The following SYDE2 variants were observed in gnomAD, a reference collection of about 807,000 sequenced individuals.
The protein encoded by SYDE2 is rho GTPase-activating protein SYDE2.
In SYDE2, 76 loss-of-function variants were observed where a neutral mutation model predicts 91.5. That is an observed-to-expected ratio of 0.83 (90% CI 0.69 to 1.01). The LOEUF (loss-of-function observed/expected upper bound fraction) is 1.01. SYDE2 is among the 50% of genes least tolerant of loss of function. SYDE2 has a pLI of 0.00. For missense variants in SYDE2, 1,364 were observed against 1,367.7 expected, an observed-to-expected ratio of 1.00 and a Z score of 0.04; for synonymous variants, 513 against 506.4, an observed-to-expected ratio of 1.01 and a Z score of -0.18.
chr1:85,194,212 T>A lies in SYDE2; in HGVS notation c.746-3460A>T, dbSNP rs575087160. Among the ~76,000 whole-genome samples the A allele has an allele frequency of 2.6e-5, 4 of 151,570 alleles. No homozygotes were observed. In the South Asian group the frequency reaches 8.3e-4, roughly 31 times the overall value. On this transcript the variant is annotated intron_variant, in intron 1 of 6. Transcript: ENST00000341460. ...TAAATGGATCCACATGAATGTAAAT[T>A]CATAGATATGGAAAGCTATTTGCAA... is the stretch of plus-strand genomic sequence containing the variant.
chr1:85,165,865 A>ATT (rs529987571), intron 5 of SYDE2, among the ~76,000 whole-genome samples: 22 of 94,112 alleles, frequency 2.3e-4, no homozygotes, highest in African/African-American at 6.3e-4. Flanking sequence ...AAAAACTTTA[A>ATT]TTTTTTTTTT....
intron 6 of SYDE2, among the ~76,000 whole-genome samples, chr1:85,159,456 G>T (rs1231786975): frequency 6.6e-6 from 1 of 152,122 alleles, no homozygotes; most frequent in Non-Finnish European, 1.5e-5. Flanking sequence ...AACGTTCCAT[G>T]GTGCTAATTC....
chr1:85,173,903 A>T (rs1264361323), intron 4 of SYDE2, among the ~76,000 whole-genome samples: 1 of 152,224 alleles, frequency 6.6e-6, no homozygotes, highest in Non-Finnish European at 1.5e-5. Flanking sequence ...AAATACTGAA[A>T]AACCCATATC....
intron 4 of SYDE2, among the ~76,000 whole-genome samples, chr1:85,177,180 A>C (rs141995049): frequency 5.3e-4 from 80 of 152,152 alleles, no homozygotes; most frequent in African/African-American, 1.8e-3. Context: ...TTCTTTTCAA[A>C]CTTTATGGAC....
Position 85,176,736 on chromosome 1 carries a change from C to T in SYDE2, c.2671+1410G>A, listed in dbSNP as rs562114924. Among the ~76,000 whole-genome samples the T allele has an allele frequency of 1.2e-4, 19 of 152,148 alleles. No homozygotes were observed. In the South Asian group the frequency reaches 2.3e-3, roughly 18 times the overall value. ...TGAAGCATCTATAAATGAAAGGATACGTCTGAGATTTTCTCAAAATAATCA... is the reference window on the plus strand; with the variant it reads ...TGAAGCATCTATAAATGAAAGGATATGTCTGAGATTTTCTCAAAATAATCA... On this transcript the variant is annotated intron_variant, in intron 4 of 6. Coordinates refer to ENST00000341460, the MANE Select transcript of SYDE2 (RefSeq NM_032184.2).
At chr1:85,180,820 A>C (rs1196298587) in intron 3 of SYDE2, among the ~76,000 whole-genome samples, 3 of 151,992 alleles carry the variant, frequency 2.0e-5, no homozygotes, top group African/African-American at 7.3e-5. Context: ...GACTGTAAAA[A>C]TATAGTGCCA....
chr1:85,200,797 CT>C lies in SYDE2; in HGVS notation c.199del (p.Arg67GlyfsTer100). The C allele has an allele frequency of 6.8e-7, 1 of 1,471,334 alleles. No homozygotes were observed. The highest frequency in any genetic ancestry group is 2.8e-5 in the East Asian group (1 of 35,664). 91.1% of individuals were successfully genotyped at this position (1,471,334 alleles called of 1,614,324 possible). A position where few individuals can be genotyped will look rare whatever the true frequency, so the allele number is the denominator to read the frequency against. On this transcript the variant is annotated frameshift_variant, in exon 1 of 7. Coordinates refer to ENST00000341460, the MANE Select transcript of SYDE2 (RefSeq NM_032184.2). LOFTEE classifies it high-confidence loss of function. ...QQVSPPRSPQ[R>X]EPRGGQLRTP... The stretch of plus-strand genomic sequence containing the variant: ...CCGCAGCTGGCCTCCCCGCGGCTCC[CT>C]CTGAGGCGACCGGGGCGGGGACACC...
At position 85,169,078 on chromosome 1, in the gene SYDE2, A is replaced by G; in HGVS notation, c.2819T>C (p.Val940Ala). 1 of 1,613,926 alleles carries G rather than the reference A, an allele frequency of 6.2e-7. No individual in the cohort carries two copies. The highest frequency in any genetic ancestry group is 1.3e-5 in the African/African-American group (1 of 75,072). The stretch of plus-strand genomic sequence containing the variant: ...CTCTGGCAGACAATCCAGCAGGTCA[A>G]CAGTGTACTTAGAGTCACCTGGGTC... ...ENDPGDSKYTVDLLDCLPEIE... is the reference protein window; with the variant it reads ...ENDPGDSKYTADLLDCLPEIE... Residue 940 changes from valine to alanine, a missense_variant, in exon 5 of 7, where the codon GTT becomes GCT. Transcript: ENST00000341460.
chr1:85,192,402 T>C (rs1232000448), intron 1 of SYDE2, among the ~76,000 whole-genome samples: 4 of 152,192 alleles, frequency 2.6e-5, no homozygotes, highest in Non-Finnish European at 5.9e-5. Flanking sequence ...AGTGAGACCC[T>C]GTCTCTTAAA....
intron 6 of SYDE2, among the ~76,000 whole-genome samples, chr1:85,163,170 A>C (rs938853057): frequency 6.7e-6 from 1 of 149,680 alleles, no homozygotes; most frequent in African/African-American, 2.5e-5. Flanking sequence ...GCACTTCCGC[A>C]ATCTCGGCTC....
At chr1:85,154,909 G>A (rs1011082461), downstream of SYDE2, among the ~76,000 whole-genome samples, 3 of 150,316 alleles carry the variant, frequency 2.0e-5, no homozygotes, top group African/African-American at 7.3e-5. Flanking sequence ...AACACACAAG[G>A]ACTCCTAGTT....
At chr1:85,155,009 CA>C, downstream of SYDE2, among the ~76,000 whole-genome samples, 29,656 of 80,552 alleles carry the variant, frequency 0.37, 4,028 homozygotes, top group East Asian at 0.5. Context: ...AAGAATGCAG[CA>C]AAAAAAAAAA....
At position 85,182,471 on chromosome 1, in the gene SYDE2, G is replaced by A. The variant is rs1413808399; in HGVS notation, c.2171C>T (p.Thr724Ile). The A allele has an allele frequency of 6.2e-7, 1 of 1,613,520 alleles. No individual in the cohort carries two copies. Among genetic ancestry groups the A allele is most frequent in the Admixed American group, 1.7e-5 (1 of 59,954 alleles). The change falls in exon 3 of 7, where the codon ACA becomes ATA. Residue 724 changes from threonine (T) to isoleucine (I), a missense_variant. By Grantham distance (89) the Thr-to-Ile change is moderately conservative (BLOSUM62 -1). Transcript: ENST00000341460. Reference sequence around the variant, plus strand: ...GAAAGTGTGATCCATGTCTAAAAATGTTGTTCGGCATGTGAGCAAAGCTGT... The same window carrying A: ...GAAAGTGTGATCCATGTCTAAAAATATTGTTCGGCATGTGAGCAAAGCTGT... ...ARTALLTCRT[T>I]FLDMDHTFNI...
chr1:85,165,231 C>T (rs1384531015), intron 5 of SYDE2, among the ~76,000 whole-genome samples: 2 of 150,922 alleles, frequency 1.3e-5, no homozygotes, highest in African/African-American at 4.9e-5. Context: ...GAGACCCTGT[C>T]AAAAAAAAAT....
intron 2 of SYDE2, among the ~76,000 whole-genome samples, chr1:85,184,631 T>TA (rs35938521): frequency 0.55 from 83,414 of 151,802 alleles, 25,015 homozygotes; most frequent in South Asian, 0.7. Context: ...GTTATCCCAT[T>TA]ACTTTGGGAG....
intron 6 of SYDE2, chr1:85,159,958 T>C (rs990745835): frequency 1.0e-6 from 1 of 984,760 alleles, no homozygotes; most frequent in African/African-American, 1.7e-5. Context: ...TAGTTTATTC[T>C]GAGAGTATGC....
chr1:85,178,646 A>G (rs774377294), intron 3 of SYDE2, among the ~76,000 whole-genome samples: 1 of 152,122 alleles, frequency 6.6e-6, no homozygotes, highest in Non-Finnish European at 1.5e-5. Context: ...AGGGTTTTGG[A>G]GTCATAAAGC....
At position 85,201,013 on chromosome 1, in the gene SYDE2, T is replaced by G; in HGVS notation, c.-17A>C. ...GTCGTGCATGGCCTGGATCAGCAGA[T>G]AATAGGCCTCTCGCAACTGGGTCCG... On this transcript the variant is annotated 5_prime_UTR_variant, in exon 1 of 7. Coordinates refer to ENST00000341460, the MANE Select transcript of SYDE2 (RefSeq NM_032184.2). 2.4e-6 allele frequency: 3 copies of G among 1,266,294 alleles called. No homozygotes were observed. The highest frequency in any genetic ancestry group is 3.0e-6 in the Non-Finnish European group (3 of 1,009,636). The allele number at this position is 1,266,294 out of a possible 1,614,324, so 78.4% of individuals were successfully genotyped here. A position where few individuals can be genotyped will look rare whatever the true frequency, so the allele number is the denominator to read the frequency against.
Position 85,158,902 on chromosome 1 carries a change from C to T in SYDE2, c.3433G>A (p.Glu1145Lys). 1 of 780,596 alleles carries T rather than the reference C, an allele frequency of 1.3e-6. No homozygotes were observed. The highest frequency in any genetic ancestry group is 1.7e-5 in the Admixed American group (1 of 58,980). The allele number at this position is 780,596 out of a possible 1,614,324, so 48.4% of individuals were successfully genotyped here. A position where few individuals can be genotyped will look rare whatever the true frequency, so the allele number is the denominator to read the frequency against. Residue 1145 changes from glutamate to lysine, a missense_variant, in exon 7 of 7, where the codon GAG (glutamate) becomes AAG (lysine). Glu to Lys is a moderately conservative substitution (Grantham distance 56). Transcript: ENST00000341460. ...GTCAAATATGTCTGAAATGTACACT[C>T]TTTGGACATGGGAATTGGCTGTTCA... ...MIEQPIPMSK[E>K]CTFQTYLTMQ... is the part of the protein sequence containing the mutation.
Sources: gnomAD v4.1 joint callset for allele counts (sites outside exome capture counted in the v4.1 genomes callset) on GRCh38, gnomAD v4.1.1 for gene constraint, MANE v1.5 for transcripts, NCBI Gene and HGNC (gene_info 2026-07-23, HGNC 2026-07-21) for gene names.